Variants in LRP1B observed in about 807,000 individuals in gnomAD.
LRP1B encodes low-density lipoprotein receptor-related protein 1B.
Under a neutral mutation model 556.6 loss-of-function variants are expected in LRP1B, and 217 were observed. That is an observed-to-expected ratio of 0.39 (90% CI 0.35 to 0.44). The LOEUF (loss-of-function observed/expected upper bound fraction) is 0.44, where lower values mean the gene tolerates loss of function less well. LRP1B is among the 20% of genes least tolerant of loss of function. The pLI, the probability that LRP1B is intolerant of heterozygous loss-of-function variation, is 1.00. For missense variants in LRP1B, 5,053 were observed against 5,620.8 expected, an observed-to-expected ratio of 0.90 and a Z score of 3.23; for synonymous variants, 2,047 against 1,865.8, an observed-to-expected ratio of 1.10 and a Z score of -2.50.
chr2:141,485,860 C>A (rs1009415367), intron 2 of LRP1B, among the ~76,000 whole-genome samples: 1 of 152,076 alleles, frequency 6.6e-6, no homozygotes, highest in African/African-American at 2.4e-5. Context: ...GAACATTTCA[C>A]AGCCAGAGAT....
At chr2:141,399,451 C>T (rs1256006851) in intron 3 of LRP1B, among the ~76,000 whole-genome samples, 3 of 152,164 alleles carry the variant, frequency 2.0e-5, no homozygotes, top group Non-Finnish European at 4.4e-5. Context: ...TGTTTCCTCC[C>T]TTTCTGCAGA....
rs888539076 is a variant in LRP1B at position 140,769,315 on chromosome 2, G to C, written c.5656C>G (p.His1886Asp). 6.2e-7 allele frequency: 1 copy of C among 1,611,672 alleles called. No individual in the cohort carries two copies. The highest frequency in any genetic ancestry group is 8.5e-7 in the Non-Finnish European group (1 of 1,178,418). ...AGAGGTATTCCCCTGATTCCTTCAT[G>C]AACAGAGTACATAAGAAATGATTCT... Reference protein sequence around the residue: ...GIESFLMYSVHEGIRGIPLEP... With the variant: ...GIESFLMYSVDEGIRGIPLEP... Residue 1886 changes from histidine (H) to aspartate (D), a missense_variant, in exon 35 of 91, where the codon CAT (histidine) becomes GAT (aspartate). Transcript: ENST00000389484.
At chr2:141,578,399 A>C (rs982397213) in intron 2 of LRP1B, among the ~76,000 whole-genome samples, 12 of 151,056 alleles carry the variant, frequency 7.9e-5, no homozygotes, top group Admixed American at 2.6e-4. Context: ...TCCTTCTCAA[A>C]AAAAAAAAAA....
chr2:141,039,231 C>T (rs554576036), intron 11 of LRP1B, among the ~76,000 whole-genome samples: 124 of 152,164 alleles, frequency 8.1e-4, no homozygotes, highest in South Asian at 1.5e-3. Flanking sequence ...TGACAGACCA[C>T]AAGAAGAGTG....
At chr2:141,834,810 G>C (rs10191067) in intron 1 of LRP1B, among the ~76,000 whole-genome samples, 67,728 of 151,670 alleles carry the variant, frequency 0.45, 15,855 homozygotes, top group African/African-American at 0.59. Context: ...TTTACAGTAC[G>C]CTGAGAAAGT....
chr2:141,092,192 G>T (rs1396172363), intron 7 of LRP1B, among the ~76,000 whole-genome samples: 2 of 152,172 alleles, frequency 1.3e-5, no homozygotes, highest in Non-Finnish European at 2.9e-5. Flanking sequence ...ACAATAGTAA[G>T]TGCTGATTTA....
Position 140,350,783 on chromosome 2 carries a change from T to C in LRP1B, c.11892+14A>G. 6.2e-7 allele frequency: 1 copy of C among 1,606,020 alleles called. No individual in the cohort carries two copies. Among genetic ancestry groups the C allele is most frequent in the East Asian group, 2.3e-5 (1 of 44,218 alleles). ...AAGGTATGGACTTTCAAATATACAA[T>C]GGTATTTACTTACAATCAAGCCACT... On this transcript the variant is annotated intron_variant, in intron 77 of 90. Transcript: ENST00000389484.
intron 11 of LRP1B, among the ~76,000 whole-genome samples, chr2:141,045,871 A>C (rs1553451445): frequency 6.6e-6 from 1 of 152,174 alleles, no homozygotes; most frequent in African/African-American, 2.4e-5. Context: ...AAATACACAT[A>C]GTAAATATCT....
At chr2:140,495,827 G>T in intron 55 of LRP1B, 79 bp from the exon 56 acceptor site, 1 of 1,170,620 alleles carries the variant, frequency 8.5e-7, no homozygotes, top group Non-Finnish European at 1.2e-6. Context: ...TTAGCATTAA[G>T]CAAGAAAAGC....
rs542352379 is a variant in LRP1B at position 142,025,828 on chromosome 2, A to G, written c.82+104820T>C. Among the ~76,000 whole-genome samples, 7 of 152,274 alleles carry G rather than the reference A, an allele frequency of 4.6e-5. No homozygotes were observed. The South Asian group carries it at 1.0e-3, about 23-fold the overall frequency. On this transcript the variant is annotated intron_variant, in intron 1 of 90. Transcript: ENST00000389484. ...TAAATAGGATAAAGCTTTATGTACT[A>G]TGGTGAGGAATGCGCTCCATGCATT...
chr2:140,257,674 C>T (rs1681757183), intron 86 of LRP1B, among the ~76,000 whole-genome samples: 2 of 152,140 alleles, frequency 1.3e-5, no homozygotes. Context: ...TTTTCTCGGA[C>T]TTTACTGCTC....
chr2:140,243,246 C>G (rs573123668), intron 87 of LRP1B, among the ~76,000 whole-genome samples: 238 of 150,920 alleles, frequency 1.6e-3, no homozygotes, highest in African/African-American at 5.4e-3. Flanking sequence ...GGGGAATCAA[C>G]AGAGTTGATA....
intron 32 of LRP1B, among the ~76,000 whole-genome samples, chr2:140,799,433 T>C (rs1352868678): frequency 6.6e-6 from 1 of 152,196 alleles, no homozygotes; most frequent in Non-Finnish European, 1.5e-5. Flanking sequence ...GACTTTGGAC[T>C]TTCCAGCCTC....
chr2:141,301,153 T>C (rs1364886062), intron 3 of LRP1B, among the ~76,000 whole-genome samples: 1 of 152,182 alleles, frequency 6.6e-6, no homozygotes, highest in Non-Finnish European at 1.5e-5. Context: ...TTTTTCATAC[T>C]TTACCTATTA....
intron 33 of LRP1B, among the ~76,000 whole-genome samples, chr2:140,772,648 C>A (rs1689354310): frequency 6.6e-6 from 1 of 152,106 alleles, no homozygotes; most frequent in Non-Finnish European, 1.5e-5. Flanking sequence ...CTACATATTT[C>A]ATTTTGTAGA....
chr2:141,562,358 T>C (rs749685634), intron 2 of LRP1B, among the ~76,000 whole-genome samples: 1 of 151,992 alleles, frequency 6.6e-6, no homozygotes, highest in Non-Finnish European at 1.5e-5. Context: ...ATCCAATAGC[T>C]ATCCACTTAT....
At chr2:140,365,581 G>T (rs1398157407) in intron 71 of LRP1B, among the ~76,000 whole-genome samples, 2 of 151,568 alleles carry the variant, frequency 1.3e-5, no homozygotes, top group African/African-American at 4.8e-5. Context: ...TCTTGCTTTG[G>T]ATAACTCTAT....
At chr2:141,807,416 T>C (rs1047126956) in intron 2 of LRP1B, among the ~76,000 whole-genome samples, 4 of 152,074 alleles carry the variant, frequency 2.6e-5, no homozygotes, top group African/African-American at 9.7e-5. Context: ...CTGTCTTTGT[T>C]ATGTGGCTGA....
chr2:141,534,900 C>T (rs1332123498), intron 2 of LRP1B, among the ~76,000 whole-genome samples: 1 of 152,006 alleles, frequency 6.6e-6, no homozygotes, highest in Non-Finnish European at 1.5e-5. Context: ...GTCTGTTTCC[C>T]CCCACTACTT....
Sources: gnomAD v4.1 joint callset for allele counts (sites outside exome capture counted in the v4.1 genomes callset) on GRCh38, gnomAD v4.1.1 for gene constraint, MANE v1.5 for transcripts, NCBI Gene and HGNC (gene_info 2026-07-23, HGNC 2026-07-21) for gene names.